The following C8orf34 variants were observed in gnomAD, a reference collection of about 807,000 sequenced individuals.
The protein encoded by C8orf34 is uncharacterized protein C8orf34.
A neutral mutation model predicts 68.3 loss-of-function variants in C8orf34; 65 were observed. That is an observed-to-expected ratio of 0.95 (90% confidence interval 0.78 to 1.17). The LOEUF (loss-of-function observed/expected upper bound fraction) is 1.17, where lower values mean the gene tolerates loss of function less well. C8orf34 is among the 50% of genes most tolerant of loss of function. C8orf34 has a pLI of 0.00. For synonymous variants in C8orf34, 244 were observed against 241.2 expected (o/e 1.01, Z -0.11); for missense variants, 664 against 655.4 (o/e 1.01, Z -0.14).
chr8:68,740,026 G>T (rs1383818200), intron 10 of C8orf34, among the ~76,000 whole-genome samples: 4 of 152,176 alleles, frequency 2.6e-5, no homozygotes, highest in Non-Finnish European at 2.9e-5. Context: ...TTCAGTAAAT[G>T]ATGCTGGGAT....
intron 1 of C8orf34, among the ~76,000 whole-genome samples, chr8:68,387,831 GT>G (rs540278213): frequency 6.6e-5 from 10 of 150,494 alleles, no homozygotes; most frequent in Admixed American, 1.3e-4. Context: ...ACTCTACAGT[GT>G]TTTTTTCTTT....
chr8:68,616,137 T>A (rs1025187956), intron 7 of C8orf34, among the ~76,000 whole-genome samples: 2 of 151,282 alleles, frequency 1.3e-5, no homozygotes, highest in Non-Finnish European at 2.9e-5. Context: ...GGTGGTGATA[T>A]CCCCTTTATT....
intron 7 of C8orf34, among the ~76,000 whole-genome samples, chr8:68,558,788 T>A (rs1411605309): frequency 6.6e-6 from 1 of 152,136 alleles, no homozygotes; most frequent in Non-Finnish European, 1.5e-5. Context: ...GATTATGCTA[T>A]GCCCTGTACT....
chr8:68,614,118 C>T (rs1354630567), intron 7 of C8orf34, among the ~76,000 whole-genome samples: 1 of 152,066 alleles, frequency 6.6e-6, no homozygotes, highest in Non-Finnish European at 1.5e-5. Flanking sequence ...TGTCCTTCGC[C>T]CACTTTTTGA....
At position 68,454,056 on chromosome 8, in the gene C8orf34, C is replaced by T. The variant is rs920986543; in HGVS notation, c.607+7596C>T. ...AATCATGCAGTTTTTCTTATCATTC[C>T]GTTAATATGATGTGTTACATTTTAT... On this transcript the variant is annotated intron_variant, in intron 3 of 13. Coordinates refer to ENST00000518698, the MANE Select transcript of C8orf34 (RefSeq NM_052958.4). Among the ~76,000 whole-genome samples, 17 of 152,006 alleles carry T rather than the reference C, an allele frequency of 1.1e-4. No individual in the cohort carries two copies. In the South Asian group the frequency reaches 2.1e-3, roughly 19 times the overall value.
intron 1 of C8orf34, among the ~76,000 whole-genome samples, chr8:68,397,017 T>C (rs1808744781): frequency 6.6e-6 from 1 of 151,832 alleles, no homozygotes; most frequent in Non-Finnish European, 1.5e-5. Flanking sequence ...TTTATTTTCT[T>C]TTTTTTTGAG....
chr8:68,383,643 C>T (rs536133962), intron 1 of C8orf34, among the ~76,000 whole-genome samples: 6 of 152,126 alleles, frequency 3.9e-5, no homozygotes, highest in Non-Finnish European at 7.3e-5. Context: ...ATTTGTGCTT[C>T]GAGCTGTACA....
chr8:68,735,015 A>G (rs1822084158), intron 10 of C8orf34, among the ~76,000 whole-genome samples: 1 of 152,250 alleles, frequency 6.6e-6, no homozygotes, highest in African/African-American at 2.4e-5. Context: ...CTTATTTAAA[A>G]TTACACAACC....
Position 68,449,038 on chromosome 8 carries a change from A to G in C8orf34, c.607+2578A>G, listed in dbSNP as rs144300253. On this transcript the variant is annotated intron_variant, in intron 3 of 13. Transcript: ENST00000518698. ...TTTATAGAACTAAAGGAAGATATAAACAGAATAAATTGACTGAAAAAATTT... is the reference window on the plus strand; with the variant it reads ...TTTATAGAACTAAAGGAAGATATAAGCAGAATAAATTGACTGAAAAAATTT... Among the ~76,000 whole-genome samples the G allele has an allele frequency of 2.1e-3, 325 of 152,270 alleles. 1 individual carries two copies. Among genetic ancestry groups the G allele is most frequent in the African/African-American group, 7.0e-3 (293 of 41,570 alleles).
At chr8:68,733,431 T>C (rs1822039093) in intron 10 of C8orf34, among the ~76,000 whole-genome samples, 1 of 152,208 alleles carries the variant, frequency 6.6e-6, no homozygotes, top group African/African-American at 2.4e-5. Context: ...TCCATTAACA[T>C]ATGTTATTTC....
At chr8:68,509,889 G>C (rs1023992301) in intron 5 of C8orf34, among the ~76,000 whole-genome samples, 2 of 152,124 alleles carry the variant, frequency 1.3e-5, no homozygotes, top group African/African-American at 2.4e-5. Flanking sequence ...CAAAGGGGTG[G>C]AATCATCTGC....
chr8:68,648,787 C>T (rs1166731123), intron 8 of C8orf34, among the ~76,000 whole-genome samples: 1 of 152,130 alleles, frequency 6.6e-6, no homozygotes, highest in South Asian at 2.1e-4. Context: ...TGTAATTCAA[C>T]CAAAGATTGT....
At chr8:68,564,769 A>T (rs558678806) in intron 7 of C8orf34, among the ~76,000 whole-genome samples, 1 of 152,340 alleles carries the variant, frequency 6.6e-6, no homozygotes, top group African/African-American at 2.4e-5. Context: ...CGTGGATGCT[A>T]TAAAATATAA....
chr8:68,671,268 G>A (rs763316836), intron 8 of C8orf34, among the ~76,000 whole-genome samples: 1 of 152,088 alleles, frequency 6.6e-6, no homozygotes, highest in Non-Finnish European at 1.5e-5. Context: ...GTATTTTCAT[G>A]TTAAAGATGA....
At chr8:68,772,952 C>T (rs915005498) in intron 10 of C8orf34, among the ~76,000 whole-genome samples, 2 of 151,526 alleles carry the variant, frequency 1.3e-5, no homozygotes, top group African/African-American at 4.9e-5. Flanking sequence ...TTCACATGCT[C>T]CTGTCTGCCT....
intron 8 of C8orf34, among the ~76,000 whole-genome samples, chr8:68,649,068 G>A (rs779955603): frequency 1.3e-5 from 2 of 151,982 alleles, no homozygotes; most frequent in Non-Finnish European, 2.9e-5. Flanking sequence ...AGCTTCCCAT[G>A]GGAAGGAATG....
intron 7 of C8orf34, chr8:68,533,828 G>A (rs1190787312): frequency 3.1e-6 from 3 of 981,344 alleles, no homozygotes; most frequent in Non-Finnish European, 3.6e-6. Flanking sequence ...GAAAGAAAAT[G>A]AAATGTTATT....
At chr8:68,623,634 G>C (rs927800242) in intron 7 of C8orf34, among the ~76,000 whole-genome samples, 1 of 152,176 alleles carries the variant, frequency 6.6e-6, no homozygotes, top group African/African-American at 2.4e-5. Context: ...TCTTACAGTT[G>C]TGGAGGCTGG....
chr8:68,613,454 A>G (rs1420327102), intron 7 of C8orf34, among the ~76,000 whole-genome samples: 1 of 99,048 alleles, frequency 1.0e-5, no homozygotes, highest in Non-Finnish European at 1.9e-5. Context: ...CCCCCCACAC[A>G]ACAGTCCCCA....
Sources: allele counts gnomAD v4.1 joint callset (sites outside exome capture counted in the v4.1 genomes callset), GRCh38; gene constraint gnomAD v4.1.1; transcripts MANE v1.5; gene names NCBI Gene and HGNC (gene_info 2026-07-23, HGNC 2026-07-21).